Variants in PROSER2 observed in about 807,000 individuals in gnomAD.
PROSER2 encodes proline and serine-rich protein 2.
PROSER2 carries 18 observed loss-of-function variants against 14.6 expected under a neutral mutation model. The observed-to-expected ratio is 1.23, with a 90% confidence interval of 0.85 to 1.83. The LOEUF (loss-of-function observed/expected upper bound fraction) is 1.83. Ranked by LOEUF, PROSER2 falls within the 40% of genes most tolerant of loss-of-function variation. PROSER2 has a pLI of 0.00. For synonymous variants in PROSER2, 367 were observed against 286.4 expected (o/e 1.28, Z -2.84); for missense variants, 823 against 629.8 (o/e 1.31, Z -3.28).
At chr10:11,833,786 C>A (rs768137324) in intron 1 of PROSER2, among the ~76,000 whole-genome samples, 5 of 151,950 alleles carry the variant, frequency 3.3e-5, no homozygotes, top group African/African-American at 7.3e-5. Context: ...TCAATTGTAT[C>A]CAAGTGGGAA....
At chr10:11,829,110 C>A (rs1422214255) in intron 1 of PROSER2, among the ~76,000 whole-genome samples, 1 of 151,926 alleles carries the variant, frequency 6.6e-6, no homozygotes, top group African/African-American at 2.4e-5. Context: ...GATCTTGTTT[C>A]CCGGCTCTCC....
In PROSER2 at chr10:11,865,593, T is replaced by G. The variant is rs562167327; in HGVS notation, c.139-938T>G. Reference sequence around the variant, plus strand: ...GTAATCTTTACCTGTGGATTGATCTTGCTGGGGAACCCTTGGGATCAGCCT... The same window carrying G: ...GTAATCTTTACCTGTGGATTGATCTGGCTGGGGAACCCTTGGGATCAGCCT... On this transcript the variant is annotated intron_variant, in intron 2 of 3. Transcript: ENST00000277570. The surrounding 1 kb of genome is among the most constrained non-coding windows in gnomAD (Gnocchi z 4.2). Among the ~76,000 whole-genome samples the G allele has an allele frequency of 6.6e-6, 1 of 152,372 alleles. No individual in the cohort carries two copies. Among genetic ancestry groups the G allele is most frequent in the South Asian group, 2.1e-4 (1 of 4,830 alleles).
chr10:11,856,366 T>C lies in PROSER2; in HGVS notation c.138+4151T>C, dbSNP rs59798878. ...GCCTCACACCAGCGTTCCCAGGCTC[T>C]CACTCTGAATGAGGTCCTGAAGTCG... On this transcript the variant is annotated intron_variant, in intron 2 of 3. Transcript: ENST00000277570. The surrounding 1 kb of genome is among the most constrained non-coding windows in gnomAD (Gnocchi z 5.3). 0.028 allele frequency among the ~76,000 whole-genome samples: 4,297 copies of C among 152,292 alleles called. 193 individuals are homozygous for C. The highest frequency in any genetic ancestry group is 0.099 in the African/African-American group (4,093 of 41,552).
At chr10:11,858,910 G>C (rs1263946969) in intron 2 of PROSER2, among the ~76,000 whole-genome samples, 1 of 150,448 alleles carries the variant, frequency 6.6e-6, no homozygotes, top group East Asian at 1.9e-4. Flanking sequence ...TCAGGAAGCT[G>C]AGGCAGGAGA....
intron 1 of PROSER2, among the ~76,000 whole-genome samples, chr10:11,833,229 T>C (rs1033047382): frequency 8.2e-6 from 1 of 122,056 alleles, no homozygotes; most frequent in African/African-American, 3.0e-5. Flanking sequence ...ATACAAAATG[T>C]TGTGGCTTTT....
intron 1 of PROSER2, among the ~76,000 whole-genome samples, chr10:11,846,571 G>GT (rs937455140): frequency 2.0e-5 from 3 of 152,054 alleles, no homozygotes; most frequent in Non-Finnish European, 2.9e-5. Context: ...GTATTTGGTT[G>GT]TTTTTTACAT....
chr10:11,853,377 C>T (rs377574540), intron 2 of PROSER2, among the ~76,000 whole-genome samples: 3 of 152,146 alleles, frequency 2.0e-5, no homozygotes, highest in African/African-American at 4.8e-5. Flanking sequence ...AACCTGAGGT[C>T]AGGAGTTTGA....
chr10:11,827,946 G>A lies in PROSER2; in HGVS notation c.-82+4476G>A, dbSNP rs909482185. ...CCCCACCTTAGCCCCTGAAAGTGCT[G>A]GGATTACAGGCAAGAGCCACCTTCT... On this transcript the variant is annotated intron_variant, in intron 1 of 3. Transcript: ENST00000277570. Among the ~76,000 whole-genome samples, 8 of 152,142 alleles carry A rather than the reference G, an allele frequency of 5.3e-5. No individual in the cohort carries two copies. The South Asian group carries it at 1.7e-3, about 32-fold the overall frequency.
intron 1 of PROSER2, chr10:11,831,700 C>T (rs1833691014): frequency 6.6e-6 from 1 of 152,136 alleles, no homozygotes; most frequent in Admixed American, 6.5e-5. Flanking sequence ...GATGTCTGGT[C>T]AAGATTGTTT....
chr10:11,854,627 T>C (rs1385736255), intron 2 of PROSER2, among the ~76,000 whole-genome samples: 1 of 152,042 alleles, frequency 6.6e-6, no homozygotes, highest in Non-Finnish European at 1.5e-5. Context: ...AAGTTTTTTT[T>C]TTTTTTTGCA....
intron 1 of PROSER2, among the ~76,000 whole-genome samples, chr10:11,844,815 T>C (rs1588488794): frequency 6.6e-6 from 1 of 152,126 alleles, no homozygotes; most frequent in African/African-American, 2.4e-5. Context: ...AGAGACAGGG[T>C]TTCACCATGT....
chr10:11,869,495 G>C lies in PROSER2; in HGVS notation c.397G>C (p.Ala133Pro), dbSNP rs1488776464. 4 of 1,612,892 alleles carry C rather than the reference G, an allele frequency of 2.5e-6. No homozygotes were observed. In the Admixed American group the frequency reaches 6.7e-5, roughly 27 times the overall value. Residue 133 changes from alanine (A) to proline (P), a missense_variant, in exon 4 of 4, where the codon GCA becomes CCA. Coordinates refer to ENST00000277570, the MANE Select transcript of PROSER2 (RefSeq NM_153256.4). The surrounding 1 kb of genome is among the most constrained non-coding windows in gnomAD (Gnocchi z 4.4). ...LPEGTQAAGP[A>P]PAGKEHRKQD... ...GCTCCTCCCTTGTCTTCCAGGGCCTGCACCTGCTGGGAAGGAGCACAGGAA... is the reference window on the plus strand; with the variant it reads ...GCTCCTCCCTTGTCTTCCAGGGCCTCCACCTGCTGGGAAGGAGCACAGGAA...
rs145888027 is a variant in PROSER2, at chr10:11,824,294, G to C, written c.-82+824G>C. Among the ~76,000 whole-genome samples, 1,077 of 152,308 alleles carry C rather than the reference G, an allele frequency of 7.1e-3. 20 individuals are homozygous for C. Among genetic ancestry groups the C allele is most frequent in the African/African-American group, 0.025 (1,019 of 41,562 alleles). On this transcript the variant is annotated intron_variant, in intron 1 of 3. Coordinates refer to ENST00000277570, the MANE Select transcript of PROSER2 (RefSeq NM_153256.4). ...AGTAAAACGTTCAGATCTGTAGGAA[G>C]AAGGTTCTTTCTGGCTCCAATTTTA... is the stretch of plus-strand genomic sequence containing the variant.
intron 1 of PROSER2, among the ~76,000 whole-genome samples, chr10:11,828,174 G>A (rs143562285): frequency 6.6e-6 from 1 of 151,968 alleles, no homozygotes; most frequent in East Asian, 1.9e-4. Context: ...TAAAATTTAG[G>A]GTAAGGCTGA....
At chr10:11,833,235 C>CTTTCT (rs1833711616) in intron 1 of PROSER2, among the ~76,000 whole-genome samples, 1 of 87,668 alleles carries the variant, frequency 1.1e-5, no homozygotes, top group African/African-American at 4.8e-5. Flanking sequence ...AATGTTGTGG[C>CTTTCT]TTTTTTTTTT....
chr10:11,852,571 C>T (rs916610072), intron 2 of PROSER2, among the ~76,000 whole-genome samples: 7 of 151,780 alleles, frequency 4.6e-5, no homozygotes, highest in Admixed American at 4.6e-4. Flanking sequence ...TCACTCTGTC[C>T]TCCAGTGGCG....
intron 2 of PROSER2, among the ~76,000 whole-genome samples, chr10:11,859,893 C>G (rs1834201894): frequency 6.6e-6 from 1 of 152,250 alleles, no homozygotes; most frequent in South Asian, 2.1e-4. Flanking sequence ...TGCCCCTGCC[C>G]TCATCGCCAT....
In PROSER2 at chr10:11,866,990, C is replaced by T. The variant is rs549742158; in HGVS notation, c.391+207C>T. On this transcript the variant is annotated intron_variant, in intron 3 of 3. Coordinates refer to ENST00000277570, the MANE Select transcript of PROSER2 (RefSeq NM_153256.4). The surrounding 1 kb of genome is among the most constrained non-coding windows in gnomAD (Gnocchi z 6.0). ...AGAATAAAGAATGGAATGGGCCAGG[C>T]GCGGTGGCTCAAGCCTGTAATCCCA... is the stretch of plus-strand genomic sequence containing the variant. Among the ~76,000 whole-genome samples, 520 of 152,228 alleles carry T rather than the reference C, an allele frequency of 3.4e-3. No individual in the cohort carries two copies. Among genetic ancestry groups the T allele is most frequent in the Non-Finnish European group, 5.0e-3 (338 of 68,016 alleles).
At chr10:11,867,957 G>A (rs1241448948) in intron 3 of PROSER2, among the ~76,000 whole-genome samples, 2 of 152,174 alleles carry the variant, frequency 1.3e-5, no homozygotes, top group Non-Finnish European at 2.9e-5. Context: ...CATTTGTCTT[G>A]AGCCACTAGA....
Sources: allele counts gnomAD v4.1 joint callset (sites outside exome capture counted in the v4.1 genomes callset), GRCh38; gene constraint gnomAD v4.1.1; non-coding constraint Gnocchi (gnomAD v3.1); transcripts MANE v1.5; gene names NCBI Gene and HGNC (gene_info 2026-07-23, HGNC 2026-07-21).